The following MYO18B variants were observed in gnomAD, a reference collection of about 807,000 sequenced individuals.
MYO18B encodes unconventional myosin-XVIIIb.
Under a neutral mutation model 273.0 loss-of-function variants are expected in MYO18B, and 204 were observed. That is an observed-to-expected ratio of 0.75 (90% confidence interval 0.67 to 0.84). The LOEUF is 0.84. Ranked by LOEUF, MYO18B falls within the 40% of genes least tolerant of loss-of-function variation. The pLI is 0.00. For synonymous variants in MYO18B, 1,330 were observed against 1,305.7 expected (o/e 1.02, Z -0.40); for missense variants, 3,212 against 3,287.6 (o/e 0.98, Z 0.56).
intron 40 of MYO18B, among the ~76,000 whole-genome samples, chr22:25,997,950 CACACACAA>C (rs1933474769): frequency 7.2e-6 from 1 of 138,916 alleles, no homozygotes; most frequent in South Asian, 2.2e-4. Flanking sequence ...CACACACACA[CACACACAA>C]ACACACACAC....
chr22:26,038,837 T>G, the MYO18B span, among the ~76,000 whole-genome samples: 1 of 152,112 alleles, frequency 6.6e-6, no homozygotes, highest in South Asian at 2.1e-4. Context: ...GACTGTACCT[T>G]CCAAGGGCAT....
At chr22:25,804,899 C>A (rs577044101) in intron 12 of MYO18B, among the ~76,000 whole-genome samples, 1 of 152,320 alleles carries the variant, frequency 6.6e-6, no homozygotes, top group East Asian at 1.9e-4. Context: ...CCATAGACCC[C>A]TAATTGTCTG....
chr22:25,822,094 T>C (rs959787930), intron 12 of MYO18B, among the ~76,000 whole-genome samples: 1 of 152,168 alleles, frequency 6.6e-6, no homozygotes, highest in Non-Finnish European at 1.5e-5. Flanking sequence ...AAAGAGTGGC[T>C]CTCCATTGAT....
chr22:26,004,799 T>TA lies in MYO18B; in HGVS notation c.6415dup (p.Thr2139AsnfsTer28), dbSNP rs1569286813. 6.2e-7 allele frequency: 1 copy of TA among 1,613,946 alleles called. No homozygotes were observed. Among genetic ancestry groups the TA allele is most frequent in the Admixed American group, 1.7e-5 (1 of 60,018 alleles). On this transcript the variant is annotated frameshift_variant, in exon 42 of 44. Transcript: ENST00000335473. LOFTEE classifies it high-confidence loss of function. Reference sequence around the variant, plus strand: ...GCTGTACTCTGTCCCTGGCCACAGATACTATGAGGACTCCTTCTCGACAGT... The same window carrying TA: ...GCTGTACTCTGTCCCTGGCCACAGATAACTATGAGGACTCCTTCTCGACAGT...
At chr22:25,952,766 C>T (rs1394980284) in intron 38 of MYO18B, among the ~76,000 whole-genome samples, 1 of 152,126 alleles carries the variant, frequency 6.6e-6, no homozygotes, top group Non-Finnish European at 1.5e-5. Flanking sequence ...TCTGTCTGCC[C>T]ATTCTTCTAT....
chr22:25,945,637 C>T (rs987387676), intron 34 of MYO18B, among the ~76,000 whole-genome samples: 17 of 151,654 alleles, frequency 1.1e-4, no homozygotes, highest in Admixed American at 1.0e-3. Context: ...CTGGGCTGAG[C>T]TAGAGGGGAA....
chr22:25,928,780 G>C lies in MYO18B; in HGVS notation c.5517+7371G>C, dbSNP rs893050285. 6.2e-4 allele frequency among the ~76,000 whole-genome samples: 94 copies of C among 152,096 alleles called. 2 individuals are homozygous for C. The highest frequency in any genetic ancestry group is 1.8e-4 in the Non-Finnish European group (12 of 68,022). ...CATAGAGTCTTTCTTGCCTAATAAG[G>C]GGGTACGATAATCTCAGCTGATTGG... On this transcript the variant is annotated intron_variant, in intron 34 of 43. Coordinates refer to ENST00000335473, the MANE Select transcript of MYO18B (RefSeq NM_032608.7).
chr22:25,925,409 A>G (rs1332221936), intron 34 of MYO18B, among the ~76,000 whole-genome samples: 3 of 152,212 alleles, frequency 2.0e-5, no homozygotes, highest in Non-Finnish European at 4.4e-5. Flanking sequence ...CTGAGGTTAT[A>G]TTAGTGTGAC....
At chr22:25,859,919 G>A (rs542040373) in intron 21 of MYO18B, among the ~76,000 whole-genome samples, 1 of 151,996 alleles carries the variant, frequency 6.6e-6, no homozygotes, top group Non-Finnish European at 1.5e-5. Flanking sequence ...CTACCCCTCG[G>A]TTACAGAGAT....
chr22:25,887,229 C>A (rs1358477201), intron 25 of MYO18B, among the ~76,000 whole-genome samples: 1 of 152,148 alleles, frequency 6.6e-6, no homozygotes, highest in African/African-American at 2.4e-5. Flanking sequence ...CAGGACCTGG[C>A]ACACAGTAAG....
chr22:25,839,362 G>A (rs1283039331), intron 17 of MYO18B, among the ~76,000 whole-genome samples: 1 of 152,202 alleles, frequency 6.6e-6, no homozygotes, highest in East Asian at 1.9e-4. Flanking sequence ...GGCCCTGGCC[G>A]TGCTCACCCT....
chr22:25,905,618 A>G (rs951080171), intron 31 of MYO18B, among the ~76,000 whole-genome samples: 38 of 152,332 alleles, frequency 2.5e-4, no homozygotes, highest in African/African-American at 8.9e-4. Flanking sequence ...CAGCCTGTGC[A>G]AAAGCCTGAA....
intron 12 of MYO18B, among the ~76,000 whole-genome samples, chr22:25,809,295 G>C (rs1466438793): frequency 1.3e-5 from 2 of 152,092 alleles, no homozygotes; most frequent in African/African-American, 4.8e-5. Context: ...GAGTTGATGT[G>C]CATCTCCCTG....
At chr22:25,934,044 G>GAAAAAAAAAAA (rs2092545839) in intron 34 of MYO18B, among the ~76,000 whole-genome samples, 1 of 152,216 alleles carries the variant, frequency 6.6e-6, no homozygotes, top group African/African-American at 2.4e-5. Context: ...GAGGGAAGGA[G>GAAAAAAAAAAA]AATATTTTTT....
In MYO18B at chr22:25,933,824, G is replaced by A. The variant is rs565401286; in HGVS notation, c.5518-12313G>A. Among the ~76,000 whole-genome samples, 170 of 152,268 alleles carry A rather than the reference G, an allele frequency of 1.1e-3. 1 individual carries two copies. The highest frequency in any genetic ancestry group is 3.9e-3 in the African/African-American group (160 of 41,546). On this transcript the variant is annotated intron_variant, in intron 34 of 43. Transcript: ENST00000335473. ...ATTATTTTATGGGAGGGGAGCAAAT[G>A]TATGCATTTCTGTAGGGTGCATAAC...
intron 7 of MYO18B, among the ~76,000 whole-genome samples, chr22:25,775,357 G>A (rs914118515): frequency 2.0e-5 from 3 of 152,172 alleles, no homozygotes; most frequent in Non-Finnish European, 4.4e-5. Flanking sequence ...TAGACATCTA[G>A]GCTGAGGGGA....
At chr22:25,778,545 T>C (rs2087006699) in intron 8 of MYO18B, among the ~76,000 whole-genome samples, 2 of 152,106 alleles carry the variant, frequency 1.3e-5, no homozygotes, top group South Asian at 2.1e-4. Context: ...AGTGGTGTGA[T>C]CCCAGCTTAC....
chr22:26,026,320 G>A, intron 42 of MYO18B, 125 bp from the exon 43 acceptor site: 3 of 1,086,614 alleles, frequency 2.8e-6, no homozygotes, highest in South Asian at 1.6e-5. Context: ...ATTTGAGAGT[G>A]CGGTAGGGAT....
chr22:25,768,500 C>A lies in MYO18B; in HGVS notation c.584C>A (p.Thr195Asn), dbSNP rs1192258994. ...ACTGGAAAGGAAAAGAAAGGGGAGA[C>A]CTCTAGGACTCCTTGTGGCTCCCAG... ...TDTGKEKKGE[T>N]SRTPCGSQAS... Residue 195 changes from threonine to asparagine, a missense_variant, in exon 4 of 44, where the codon ACC (threonine) becomes AAC (asparagine). Transcript: ENST00000335473. 1 of 1,597,262 alleles carries A rather than the reference C, an allele frequency of 6.3e-7. No homozygotes were observed. The highest frequency in any genetic ancestry group is 1.4e-5 in the African/African-American group (1 of 74,048).
Sources: allele counts gnomAD v4.1 joint callset (sites outside exome capture counted in the v4.1 genomes callset), GRCh38; gene constraint gnomAD v4.1.1; transcripts MANE v1.5; gene names NCBI Gene and HGNC (gene_info 2026-07-23, HGNC 2026-07-21).